BDH1: variants seen among roughly 807,000 people sequenced by gnomAD.
BDH1 encodes the protein D-beta-hydroxybutyrate dehydrogenase, mitochondrial.
A neutral mutation model predicts 33.1 loss-of-function variants in BDH1; 30 were observed. The ratio of observed to expected loss-of-function variants is 0.91; its 90% confidence interval spans 0.68 to 1.23. BDH1 has a LOEUF of 1.23. Ranked by LOEUF, BDH1 falls within the 50% of genes most tolerant of loss-of-function variation. BDH1 has a pLI of 0.00. For synonymous variants in BDH1, 190 were observed against 183.6 expected (o/e 1.03, Z -0.28); for missense variants, 443 against 464.4 (o/e 0.95, Z 0.42).
At chr3:197,532,337 A>G in intron 5 of BDH1, 75 bp downstream of exon 5, 1 of 1,319,818 alleles carries the variant, frequency 7.6e-7, no homozygotes, top group Non-Finnish European at 1.1e-6. Context: ...GTTGTTAGGA[A>G]AGCACTTTTT....
chr3:197,517,458 G>A (rs1438420373), intron 6 of BDH1, among the ~76,000 whole-genome samples: 1 of 47,628 alleles, frequency 2.1e-5, no homozygotes, highest in African/African-American at 8.4e-5. Flanking sequence ...CCCTCAGGCC[G>A]ACCCCCTCAT....
upstream of BDH1, among the ~76,000 whole-genome samples, chr3:197,558,223 C>T (rs1469446839): frequency 1.3e-5 from 2 of 152,208 alleles, no homozygotes; most frequent in East Asian, 3.8e-4. Context: ...GCCTCAGCTG[C>T]ACCTGGTATT....
At chr3:197,531,268 T>C (rs1473995683) in intron 5 of BDH1, among the ~76,000 whole-genome samples, 2 of 151,720 alleles carry the variant, frequency 1.3e-5, no homozygotes, top group Non-Finnish European at 2.9e-5. Flanking sequence ...TGGTGGCTCA[T>C]GCCTGTAGTC....
Position 197,533,499 on chromosome 3 carries a change from G to C in BDH1, c.146C>G (p.Ala49Gly). Residue 49 changes from alanine (A) to glycine (G), a missense_variant, in exon 4 of 8, where the codon GCG (alanine) becomes GGG (glycine). Physicochemically the swap from Ala to Gly is moderately conservative, Grantham distance 60. Coordinates refer to ENST00000392379, the MANE Select transcript of BDH1 (RefSeq NM_203314.3). ...TGGGCTTCCACTCACCGGCTCCGCC[G>C]CACTGGCATAAGTCCGACGGCCAAT... ...IPIGRRTYAS[A>G]AEPVGSKAVL... The C allele has an allele frequency of 6.2e-7, 1 of 1,614,210 alleles. No individual in the cohort carries two copies. The highest frequency in any genetic ancestry group is 8.5e-7 in the Non-Finnish European group (1 of 1,180,010).
intron 2 of BDH1, among the ~76,000 whole-genome samples, chr3:197,548,393 T>A (rs1265744636): frequency 6.6e-6 from 1 of 152,208 alleles, no homozygotes; most frequent in Admixed American, 6.5e-5. Context: ...AAACTTCCCA[T>A]CCAGTCATCT....
chr3:197,527,585 C>G (rs984509114), intron 5 of BDH1, among the ~76,000 whole-genome samples: 1 of 152,156 alleles, frequency 6.6e-6, no homozygotes, highest in Non-Finnish European at 1.5e-5. Context: ...TAAGCCTTCC[C>G]TATGCTGATA....
rs770259888 is a variant in BDH1, at chr3:197,511,930, G to A, written c.997C>T (p.Pro333Ser). 5 of 1,576,326 alleles carry A rather than the reference G, an allele frequency of 3.2e-6. No individual in the cohort carries two copies. The highest frequency in any genetic ancestry group is 4.3e-6 in the Non-Finnish European group (5 of 1,157,982). Reference sequence around the variant, plus strand: ...TAGATCATGTCGGAGATGGCTCCAGGCAAGTGGGTCATGATCTGCATTCGC... The same window carrying A: ...TAGATCATGTCGGAGATGGCTCCAGACAAGTGGGTCATGATCTGCATTCGC... ...WLRMQIMTHL[P>S]GAISDMIYIR Residue 333 changes from proline to serine, a missense_variant, in exon 8 of 8, where the codon CCT becomes TCT. Coordinates refer to ENST00000392379, the MANE Select transcript of BDH1 (RefSeq NM_203314.3).
At position 197,514,790 on chromosome 3, in the gene BDH1, G is replaced by A. The variant is rs996022500; in HGVS notation, c.410-374C>T. Among the ~76,000 whole-genome samples, 7 of 152,032 alleles carry A rather than the reference G, an allele frequency of 4.6e-5. No homozygotes were observed. Among genetic ancestry groups the A allele is most frequent in the East Asian group, 1.9e-4 (1 of 5,178 alleles). ...ACCCTGAGTTTGAGTTTCACGCCCC[G>A]TTCCTGTTTACTCATCTCTGCCCTT... On this transcript the variant is annotated intron_variant, in intron 6 of 7. Coordinates refer to ENST00000392379, the MANE Select transcript of BDH1 (RefSeq NM_203314.3). This position sits in a 1 kb window ranked among gnomAD's most constrained non-coding sequence, Gnocchi z 4.2.
Position 197,521,281 on chromosome 3 carries a change from C to A in BDH1, c.409+1359G>T, listed in dbSNP as rs1206230598. Among the ~76,000 whole-genome samples the A allele has an allele frequency of 6.6e-6, 1 of 152,132 alleles. No homozygotes were observed. The highest frequency in any genetic ancestry group is 2.4e-5 in the African/African-American group (1 of 41,420). ...GCGGCCCGGCTCCAGGGAGCTCCAT[C>A]CCCCACTGCTGTATTCTACATGAAT... On this transcript the variant is annotated intron_variant, in intron 6 of 7. Transcript: ENST00000392379. This position sits in a 1 kb window ranked among gnomAD's most constrained non-coding sequence, Gnocchi z 4.9.
intron 1 of BDH1, among the ~76,000 whole-genome samples, chr3:197,563,778 T>G (rs1481955179): frequency 1.3e-5 from 2 of 152,026 alleles, no homozygotes; most frequent in African/African-American, 4.8e-5. Context: ...TAAAACAATA[T>G]AAAAGGAACC....
intron 3 of BDH1, among the ~76,000 whole-genome samples, chr3:197,542,419 G>A (rs1715709995): frequency 6.6e-6 from 1 of 152,004 alleles, no homozygotes; most frequent in Non-Finnish European, 1.5e-5. Flanking sequence ...ACAGCAAGCT[G>A]CTGGCCAACC....
At chr3:197,531,817 G>A (rs931256800) in intron 5 of BDH1, among the ~76,000 whole-genome samples, 4 of 152,098 alleles carry the variant, frequency 2.6e-5, no homozygotes, top group African/African-American at 9.7e-5. Context: ...GCAGTCTCGG[G>A]TCCCAGTGCT....
intron 7 of BDH1, among the ~76,000 whole-genome samples, chr3:197,512,682 G>A (rs1476867659): frequency 6.6e-6 from 1 of 152,352 alleles, no homozygotes; most frequent in Non-Finnish European, 1.5e-5. Flanking sequence ...GTGAAAACAC[G>A]AGGGGAGAAG....
intron 5 of BDH1, among the ~76,000 whole-genome samples, chr3:197,531,910 G>A (rs67043141): frequency 0.15 from 22,852 of 151,990 alleles, 2,011 homozygotes; most frequent in African/African-American, 0.23. Context: ...TATTCCTCCC[G>A]TCCAGCAGGT....
upstream of BDH1, among the ~76,000 whole-genome samples, chr3:197,558,900 G>C (rs976193336): frequency 2.4e-4 from 37 of 152,108 alleles, no homozygotes; most frequent in African/African-American, 8.9e-4. Context: ...TATTAGTCAA[G>C]CTGTCCCTCC....
At chr3:197,547,711 G>A (rs995126632) in intron 2 of BDH1, among the ~76,000 whole-genome samples, 2 of 152,244 alleles carry the variant, frequency 1.3e-5, no homozygotes, top group African/African-American at 4.8e-5. Flanking sequence ...CCATGCCCGT[G>A]GGGGCTGGCC....
intron 4 of BDH1, among the ~76,000 whole-genome samples, chr3:197,532,727 A>G (rs1714784508): frequency 6.6e-6 from 1 of 152,202 alleles, no homozygotes; most frequent in African/African-American, 2.4e-5. Context: ...CCAACCAGCA[A>G]TGTTGCTTGG....
chr3:197,562,276 G>A (rs1392164616), intron 1 of BDH1, among the ~76,000 whole-genome samples: 1 of 152,186 alleles, frequency 6.6e-6, no homozygotes, highest in Non-Finnish European at 1.5e-5. Flanking sequence ...TTCTAGTTCG[G>A]AGATGCATTC....
In BDH1 at chr3:197,535,673, C is replaced by T. The variant is rs2686095; in HGVS notation, c.84-2112G>A. ...TAAAGTCTAGTATTTTCCTATTATGCGGCATGCTTTTGATGTCAAGTCTCA... is the reference window on the plus strand; with the variant it reads ...TAAAGTCTAGTATTTTCCTATTATGTGGCATGCTTTTGATGTCAAGTCTCA... On this transcript the variant is annotated intron_variant, in intron 3 of 7. Transcript: ENST00000392379. Among the ~76,000 whole-genome samples the T allele has an allele frequency of 9.6e-3, 1,456 of 152,226 alleles. 7 individuals are homozygous for T. The highest frequency in any genetic ancestry group is 0.014 in the Non-Finnish European group (940 of 68,018).
Sources: gnomAD v4.1 joint callset for allele counts (sites outside exome capture counted in the v4.1 genomes callset) on GRCh38, gnomAD v4.1.1 for gene constraint, Gnocchi (gnomAD v3.1) non-coding constraint, MANE v1.5 for transcripts, NCBI Gene and HGNC (gene_info 2026-07-23, HGNC 2026-07-21) for gene names.